KLHL3: variants seen among roughly 807,000 people sequenced by gnomAD.
KLHL3 encodes kelch like family member 3.
KLHL3 carries 19 observed loss-of-function variants against 70.5 expected under a neutral mutation model. That is an observed-to-expected ratio of 0.27 (90% CI 0.19 to 0.40). The LOEUF is 0.40. Ranked by LOEUF, KLHL3 falls within the 10% of genes least tolerant of loss-of-function variation. KLHL3 has a pLI of 1.00. For synonymous variants in KLHL3, 258 were observed against 290.3 expected, an observed-to-expected ratio of 0.89 and a Z score of 1.13; for missense variants, 512 against 771.1, an observed-to-expected ratio of 0.66 and a Z score of 3.98.
intron 3 of KLHL3, among the ~76,000 whole-genome samples, chr5:137,702,124 G>C (rs1752583406): frequency 6.6e-6 from 1 of 152,216 alleles, no homozygotes; most frequent in Non-Finnish European, 1.5e-5. Context: ...GCTCAGTCTG[G>C]TGGAGAGAGA....
At chr5:137,687,030 A>C (rs1580761325) in intron 5 of KLHL3, among the ~76,000 whole-genome samples, 1 of 101,568 alleles carries the variant, frequency 9.8e-6, no homozygotes, top group African/African-American at 3.7e-5. Context: ...TGGGGGGGTC[A>C]GCCCCCCGCC....
At chr5:137,649,391 T>G (rs1751142389) in intron 8 of KLHL3, among the ~76,000 whole-genome samples, 1 of 152,246 alleles carries the variant, frequency 6.6e-6, no homozygotes, top group Non-Finnish European at 1.5e-5. Flanking sequence ...CAGCATGTCA[T>G]GAGGACACTC....
At chr5:137,687,063 G>A (rs1752192860) in intron 5 of KLHL3, among the ~76,000 whole-genome samples, 1 of 104,116 alleles carries the variant, frequency 9.6e-6, no homozygotes, top group Admixed American at 8.8e-5. Flanking sequence ...CCGTCCGGGA[G>A]GGAGGTGGGG....
intron 12 of KLHL3, among the ~76,000 whole-genome samples, chr5:137,631,089 A>AAAGAGAG (rs1554090059): frequency 7.0e-6 from 1 of 141,906 alleles, no homozygotes; most frequent in Non-Finnish European, 1.5e-5. Context: ...AAAAAAAAAA[A>AAAGAGAG]AGAGAGAGAG....
chr5:137,639,178 G>C lies in KLHL3; in HGVS notation c.1022-28C>G, dbSNP rs1336932240. 2 of 1,608,394 alleles carry C rather than the reference G, an allele frequency of 1.2e-6. No individual in the cohort carries two copies. Among genetic ancestry groups the C allele is most frequent in the Non-Finnish European group, 1.7e-6 (2 of 1,176,744 alleles). ...GAGGCACAGGAAACCAAGACATCAA[G>C]GTCAGGTCAGGCGCATGACTGCTCA... On this transcript the variant is annotated intron_variant, in intron 9 of 14. Transcript: ENST00000309755. The surrounding 1 kb of genome is among the most constrained non-coding windows in gnomAD (Gnocchi z 5.0).
At chr5:137,676,395 A>C (rs1197624130) in intron 6 of KLHL3, among the ~76,000 whole-genome samples, 1 of 152,242 alleles carries the variant, frequency 6.6e-6, no homozygotes, top group East Asian at 1.9e-4. Flanking sequence ...TTCAAAAAAC[A>C]TTTATTGAGC....
intron 8 of KLHL3, among the ~76,000 whole-genome samples, chr5:137,654,662 C>T (rs1328144376): frequency 6.6e-6 from 1 of 152,202 alleles, no homozygotes. Flanking sequence ...GGATTAAATA[C>T]AGGAGAACAA....
At chr5:137,670,353 A>G (rs1339015351) in intron 6 of KLHL3, among the ~76,000 whole-genome samples, 1 of 152,060 alleles carries the variant, frequency 6.6e-6, no homozygotes, top group Non-Finnish European at 1.5e-5. Flanking sequence ...CATTTTGGAA[A>G]TGAATTACCA....
intron 6 of KLHL3, among the ~76,000 whole-genome samples, chr5:137,663,519 A>C (rs1751538621): frequency 6.6e-6 from 1 of 151,146 alleles, no homozygotes; most frequent in Non-Finnish European, 1.5e-5. Flanking sequence ...TATATATTTA[A>C]AGTATGTTAA....
intron 7 of KLHL3, among the ~76,000 whole-genome samples, chr5:137,658,603 A>C (rs1751400248): frequency 6.6e-6 from 1 of 152,186 alleles, no homozygotes; most frequent in African/African-American, 2.4e-5. Context: ...GTTTATGCAA[A>C]ACAAAAGACA....
intron 8 of KLHL3, among the ~76,000 whole-genome samples, chr5:137,654,072 T>C (rs1468877776): frequency 2.6e-5 from 4 of 152,292 alleles, no homozygotes; most frequent in African/African-American, 9.6e-5. Flanking sequence ...ATCAGATCAG[T>C]AGTTGTCAGA....
intron 5 of KLHL3, among the ~76,000 whole-genome samples, chr5:137,683,563 GT>G (rs1752086646): frequency 6.6e-6 from 1 of 152,122 alleles, no homozygotes; most frequent in Admixed American, 6.5e-5. Flanking sequence ...AAAAGGCTCA[GT>G]TCCCACAGGG....
At chr5:137,689,514 T>C (rs1334732560) in intron 5 of KLHL3, among the ~76,000 whole-genome samples, 1 of 152,212 alleles carries the variant, frequency 6.6e-6, no homozygotes, top group Non-Finnish European at 1.5e-5. Flanking sequence ...CAAAATCATG[T>C]CCTTTGCAGT....
chr5:137,673,124 C>T (rs2149904609), intron 6 of KLHL3, among the ~76,000 whole-genome samples: 1 of 152,276 alleles, frequency 6.6e-6, no homozygotes, highest in East Asian at 1.9e-4. Context: ...TGAGGAACAT[C>T]TGAACCCCAG....
chr5:137,635,567 C>T (rs3777378), intron 11 of KLHL3, among the ~76,000 whole-genome samples: 26,124 of 152,070 alleles, frequency 0.17, 2,523 homozygotes, highest in Non-Finnish European at 0.22. Flanking sequence ...AACTGTATAG[C>T]CATGGTAATG....
At chr5:137,698,457 A>G (rs1234713920) in intron 3 of KLHL3, 49 bp from the exon 4 acceptor site, 2 of 1,608,548 alleles carry the variant, frequency 1.2e-6, no homozygotes, top group Admixed American at 1.7e-5. Context: ...TACCTGGGAT[A>G]TGTTTACCTT....
intron 1 of KLHL3, among the ~76,000 whole-genome samples, chr5:137,722,810 G>A (rs1753021298): frequency 6.6e-6 from 1 of 152,080 alleles, no homozygotes; most frequent in African/African-American, 2.4e-5. Flanking sequence ...GGGATTACAG[G>A]CGTGCACCAC....
intron 2 of KLHL3, among the ~76,000 whole-genome samples, chr5:137,716,194 T>G (rs1391059537): frequency 2.0e-5 from 3 of 152,062 alleles, no homozygotes; most frequent in African/African-American, 7.2e-5. Context: ...AATATAGTGT[T>G]AAGTTAGGTT....
At chr5:137,697,044 G>A (rs984615638) in intron 4 of KLHL3, among the ~76,000 whole-genome samples, 1 of 152,120 alleles carries the variant, frequency 6.6e-6, no homozygotes, top group African/African-American at 2.4e-5. Context: ...TCTCCTCGGT[G>A]CACCAAATCC....
Sources: gnomAD v4.1 joint callset for allele counts (sites outside exome capture counted in the v4.1 genomes callset) on GRCh38, gnomAD v4.1.1 for gene constraint, Gnocchi (gnomAD v3.1) non-coding constraint, MANE v1.5 for transcripts, NCBI Gene and HGNC (gene_info 2026-07-23, HGNC 2026-07-21) for gene names.